SPATA16: variants seen among roughly 807,000 people sequenced by gnomAD.
The protein encoded by SPATA16 is spermatogenesis associated 16, also known as spermatogenesis-associated protein 16.
Under a neutral mutation model 63.3 loss-of-function variants are expected in SPATA16, and 36 were observed. That is an observed-to-expected ratio of 0.57 (90% CI 0.44 to 0.75). The LOEUF is 0.75. Ranked by LOEUF, SPATA16 falls within the 30% of genes least tolerant of loss-of-function variation. The pLI, the probability that SPATA16 is intolerant of heterozygous loss-of-function variation, is 0.00. For missense variants in SPATA16, 646 were observed against 679.3 expected, an observed-to-expected ratio of 0.95 and a Z score of 0.54; for synonymous variants, 203 against 216.7, an observed-to-expected ratio of 0.94 and a Z score of 0.56.
intron 1 of SPATA16, among the ~76,000 whole-genome samples, chr3:173,123,853 C>T (rs765759151): frequency 6.6e-6 from 1 of 152,132 alleles, no homozygotes; most frequent in Non-Finnish European, 1.5e-5. Flanking sequence ...ATCCACCCGC[C>T]TCAGCCTCCC....
At chr3:173,111,762 T>C (rs1737755399) in intron 2 of SPATA16, among the ~76,000 whole-genome samples, 1 of 152,130 alleles carries the variant, frequency 6.6e-6, no homozygotes, top group Admixed American at 6.5e-5. Flanking sequence ...TATACCAAAT[T>C]CCATTATCTT....
chr3:173,050,665 A>G (rs776925415), intron 2 of SPATA16, among the ~76,000 whole-genome samples: 10 of 152,152 alleles, frequency 6.6e-5, no homozygotes, highest in Admixed American at 1.3e-4. Flanking sequence ...TACAAATGAT[A>G]AAATGTAGGG....
intron 5 of SPATA16, among the ~76,000 whole-genome samples, chr3:172,971,194 G>T (rs575334628): frequency 5.6e-4 from 86 of 152,270 alleles, no homozygotes; most frequent in African/African-American, 2.0e-3. Flanking sequence ...TTGGAAACCT[G>T]CAACTTTCTT....
chr3:172,984,794 G>A (rs1157296013), intron 4 of SPATA16, among the ~76,000 whole-genome samples: 1 of 152,120 alleles, frequency 6.6e-6, no homozygotes, highest in Non-Finnish European at 1.5e-5. Flanking sequence ...AATATTGCCT[G>A]TTCCTAGATT....
chr3:173,016,615 A>C (rs1735194445), intron 4 of SPATA16, among the ~76,000 whole-genome samples: 2 of 152,370 alleles, frequency 1.3e-5, no homozygotes, highest in South Asian at 2.1e-4. Flanking sequence ...AGCATGCTAC[A>C]GGAAATAACC....
intron 1 of SPATA16, among the ~76,000 whole-genome samples, chr3:173,139,695 A>G (rs561859562): frequency 2.6e-5 from 4 of 152,332 alleles, no homozygotes; most frequent in East Asian, 1.9e-4. Context: ...TGTCTTAATT[A>G]GAAAGAATAG....
At chr3:173,014,676 T>A (rs1328812936) in intron 4 of SPATA16, among the ~76,000 whole-genome samples, 1 of 152,248 alleles carries the variant, frequency 6.6e-6, no homozygotes, top group African/African-American at 2.4e-5. Context: ...TCAAAAAATC[T>A]GCAAAGTTGA....
At chr3:172,893,149 C>G (rs1237108182) in intron 10 of SPATA16, among the ~76,000 whole-genome samples, 1 of 152,180 alleles carries the variant, frequency 6.6e-6, no homozygotes, top group Non-Finnish European at 1.5e-5. Context: ...TTGTGTCCCC[C>G]TCTAAATTTA....
chr3:173,039,752 ATGTC>A (rs1248139443), intron 3 of SPATA16, among the ~76,000 whole-genome samples: 5 of 152,138 alleles, frequency 3.3e-5, no homozygotes, highest in African/African-American at 9.7e-5. Context: ...AGAAGATAAA[ATGTC>A]TGGGTGAAGA....
At chr3:173,031,113 G>A (rs1300777988) in intron 3 of SPATA16, among the ~76,000 whole-genome samples, 1 of 152,022 alleles carries the variant, frequency 6.6e-6, no homozygotes, top group Admixed American at 6.6e-5. Context: ...AATAGGCATA[G>A]ACTTTTAGTT....
At chr3:172,986,964 T>G (rs1335360961) in intron 4 of SPATA16, among the ~76,000 whole-genome samples, 1 of 152,110 alleles carries the variant, frequency 6.6e-6, no homozygotes, top group African/African-American at 2.4e-5. Context: ...TAACAAGGAA[T>G]GTGAGAAGAC....
chr3:172,956,792 T>C lies in SPATA16; in HGVS notation c.966A>G (p.Glu322=). Reference sequence around the variant, plus strand: ...ATGGTGTGTACATAACCGAGAAAGATTCAGCTCTGGTGATGGCTTCCTCAA... The same window carrying C: ...ATGGTGTGTACATAACCGAGAAAGACTCAGCTCTGGTGATGGCTTCCTCAA... ...AMIEEAITRA[E]SFSVMYTPFA... The change falls in exon 6 of 11, where the codon GAA becomes GAG. Residue 322 remains glutamate, a synonymous_variant. Coordinates refer to ENST00000351008, the MANE Select transcript of SPATA16 (RefSeq NM_031955.6). 1.2e-6 allele frequency: 2 copies of C among 1,613,408 alleles called. No individual in the cohort carries two copies. The highest frequency in any genetic ancestry group is 1.7e-6 in the Non-Finnish European group (2 of 1,179,556).
At chr3:172,942,312 C>G (rs1211759977) in intron 6 of SPATA16, among the ~76,000 whole-genome samples, 1 of 151,956 alleles carries the variant, frequency 6.6e-6, no homozygotes, top group African/African-American at 2.4e-5. Flanking sequence ...AGCTGTATGT[C>G]ATTTTTAAGA....
chr3:173,135,986 ACT>A (rs1359158893), intron 1 of SPATA16, among the ~76,000 whole-genome samples: 1 of 152,166 alleles, frequency 6.6e-6, no homozygotes, highest in Non-Finnish European at 1.5e-5. Flanking sequence ...ACATACAAAG[ACT>A]CTGAGTTTTC....
chr3:173,041,662 A>G (rs954027939), intron 3 of SPATA16, among the ~76,000 whole-genome samples: 3 of 152,036 alleles, frequency 2.0e-5, no homozygotes, highest in African/African-American at 7.2e-5. Context: ...ATTTTACTAT[A>G]GTATTGTAGT....
At chr3:173,123,375 A>G (rs929821920) in intron 1 of SPATA16, among the ~76,000 whole-genome samples, 4 of 152,154 alleles carry the variant, frequency 2.6e-5, no homozygotes, top group Admixed American at 1.3e-4. Context: ...GTCAAATTCC[A>G]TGCTTTTTAG....
At chr3:172,964,177 C>T (rs1173454243) in intron 5 of SPATA16, among the ~76,000 whole-genome samples, 2 of 152,194 alleles carry the variant, frequency 1.3e-5, no homozygotes, top group African/African-American at 4.8e-5. Flanking sequence ...AGATTTAGGA[C>T]ATGCTATCAG....
chr3:172,991,423 A>G (rs764684056), intron 4 of SPATA16, among the ~76,000 whole-genome samples: 41 of 152,128 alleles, frequency 2.7e-4, no homozygotes, highest in Non-Finnish European at 5.3e-4. Flanking sequence ...ACTAAACTCT[A>G]TTGAACTTTT....
At chr3:173,088,068 T>TTCTTTCTTTCTG (rs1737119361) in intron 2 of SPATA16, among the ~76,000 whole-genome samples, 1 of 130,736 alleles carries the variant, frequency 7.6e-6, no homozygotes. Flanking sequence ...CTTTCTTTCT[T>TTCTTTCTTTCTG]TCTTTCTTTC....
Sources: allele counts gnomAD v4.1 joint callset (sites outside exome capture counted in the v4.1 genomes callset), GRCh38; gene constraint gnomAD v4.1.1; transcripts MANE v1.5; gene names NCBI Gene and HGNC (gene_info 2026-07-23, HGNC 2026-07-21).